The following HMGB1 variants were observed in gnomAD, a reference collection of about 807,000 sequenced individuals.
HMGB1 encodes the protein high mobility group protein B1.
For missense variants in HMGB1, 79 were observed against 253.5 expected (o/e 0.31, Z 4.67); for synonymous variants, 81 against 84.0 (o/e 0.96, Z 0.19).
At chr13:30,549,711 GTT>G (rs58245075) in intron 1 of HMGB1, among the ~76,000 whole-genome samples, 168 of 135,652 alleles carry the variant, frequency 1.2e-3, no homozygotes, top group Non-Finnish European at 2.0e-3. Context: ...CTAATTGTTT[GTT>G]TTTTTTTTTT....
chr13:30,525,845 A>C (rs1888351582), intron 1 of HMGB1, among the ~76,000 whole-genome samples: 1 of 99,508 alleles, frequency 1.0e-5, no homozygotes, highest in Non-Finnish European at 2.6e-5. Context: ...TTACAATTCA[A>C]GATGAGATTG....
chr13:30,464,085 C>T, intron 1 of HMGB1: 3 of 986,112 alleles, frequency 3.0e-6, no homozygotes, highest in Non-Finnish European at 3.6e-6. Context: ...CGTGGCTTTG[C>T]ACTAGATAGG....
In HMGB1 at chr13:30,559,982, T is replaced by G. The variant is rs1478863283; in HGVS notation, c.-15+56689A>C. On this transcript the variant is annotated intron_variant, in intron 1 of 4. Coordinates refer to the HMGB1 transcript ENST00000405805. This position sits in a 1 kb window ranked among gnomAD's most constrained non-coding sequence, Gnocchi z 6.6. ...TCAGATGTCACGTGTTTCTCACCATTGAGACCCCCAAGGCACCCCCTCCCA... is the reference window on the plus strand; with the variant it reads ...TCAGATGTCACGTGTTTCTCACCATGGAGACCCCCAAGGCACCCCCTCCCA... Among the ~76,000 whole-genome samples the G allele has an allele frequency of 1.3e-5, 2 of 152,188 alleles. No homozygotes were observed. The highest frequency in any genetic ancestry group is 2.9e-5 in the Non-Finnish European group (2 of 68,032).
intron 1 of HMGB1, among the ~76,000 whole-genome samples, chr13:30,557,584 T>C (rs1869743590): frequency 6.6e-6 from 1 of 152,228 alleles, no homozygotes; most frequent in Non-Finnish European, 1.5e-5. Context: ...ACCTTGTAGA[T>C]AAAAGGGCTT....
intron 1 of HMGB1, among the ~76,000 whole-genome samples, chr13:30,514,345 G>A (rs1346756728): frequency 7.4e-6 from 1 of 134,326 alleles, no homozygotes; most frequent in Non-Finnish European, 1.5e-5. Flanking sequence ...TCAGGGTCTA[G>A]TTCAATCTTT....
intron 1 of HMGB1, among the ~76,000 whole-genome samples, chr13:30,560,488 T>A (rs911886563): frequency 7.9e-5 from 12 of 152,148 alleles, no homozygotes; most frequent in Non-Finnish European, 1.6e-4. Flanking sequence ...AGCTCAAATC[T>A]GAAGGTTAGG....
chr13:30,549,562 TTG>T (rs574677248), intron 1 of HMGB1, among the ~76,000 whole-genome samples: 1 of 151,480 alleles, frequency 6.6e-6, no homozygotes, highest in Admixed American at 6.6e-5. Context: ...TTTGTACTTT[TTG>T]TGTGTGTGTG....
At chr13:30,564,709 T>C (rs9579603) in intron 1 of HMGB1, among the ~76,000 whole-genome samples, 4,119 of 152,324 alleles carry the variant, frequency 0.027, 207 homozygotes, top group African/African-American at 0.094. Context: ...AATATGTACT[T>C]TTATCTCTCC....
At chr13:30,501,309 T>C (rs1254656011) in intron 1 of HMGB1, among the ~76,000 whole-genome samples, 1 of 152,214 alleles carries the variant, frequency 6.6e-6, no homozygotes, top group Non-Finnish European at 1.5e-5. Context: ...CAAGAGTTAT[T>C]AACCTTAGGT....
intron 1 of HMGB1, among the ~76,000 whole-genome samples, chr13:30,569,496 G>A (rs950996311): frequency 1.3e-5 from 2 of 151,942 alleles, no homozygotes; most frequent in African/African-American, 4.8e-5. Flanking sequence ...CAGTGTACTA[G>A]GCACCTTAAA....
intron 1 of HMGB1, among the ~76,000 whole-genome samples, chr13:30,479,713 AATG>A (rs1250508118): frequency 3.9e-5 from 6 of 152,150 alleles, no homozygotes; most frequent in African/African-American, 9.7e-5. Flanking sequence ...GCTTCCATAA[AATG>A]ATGATATCAC....
Position 30,572,932 on chromosome 13 carries a change from G to A in HMGB1, c.-15+43739C>T, listed in dbSNP as rs142842561. On this transcript the variant is annotated intron_variant, in intron 1 of 4. Coordinates refer to the HMGB1 transcript ENST00000405805. ...ACTCTTGAGTAGTTTGTTAACTACA[G>A]ATGCCAAGGGCTGACAGTTTCACTT... Among the ~76,000 whole-genome samples the A allele has an allele frequency of 3.7e-3, 560 of 152,314 alleles. 3 individuals are homozygous for A. Among genetic ancestry groups the A allele is most frequent in the Admixed American group, 9.9e-3 (151 of 15,306 alleles).
intron 1 of HMGB1, among the ~76,000 whole-genome samples, chr13:30,510,067 C>T (rs560206709): frequency 6.6e-6 from 1 of 152,324 alleles, no homozygotes; most frequent in Non-Finnish European, 1.5e-5. Flanking sequence ...CCCAAATCCC[C>T]TGGAACCTGA....
chr13:30,550,894 A>G (rs1869395458), intron 1 of HMGB1, among the ~76,000 whole-genome samples: 1 of 152,220 alleles, frequency 6.6e-6, no homozygotes, highest in African/African-American at 2.4e-5. Context: ...TGGAAGACAA[A>G]ACTGATTCTA....
intron 1 of HMGB1, among the ~76,000 whole-genome samples, chr13:30,506,071 A>C (rs1887860052): frequency 6.6e-6 from 1 of 152,116 alleles, no homozygotes; most frequent in Admixed American, 6.6e-5. Flanking sequence ...CCACAGAAAG[A>C]CTAAACTGGC....
At chr13:30,496,131 T>C (rs1215307931) in intron 1 of HMGB1, among the ~76,000 whole-genome samples, 1 of 152,186 alleles carries the variant, frequency 6.6e-6, no homozygotes, top group Non-Finnish European at 1.5e-5. Flanking sequence ...TACATTTTTA[T>C]GACACTATTG....
chr13:30,582,332 T>C (rs2137543737), intron 1 of HMGB1, among the ~76,000 whole-genome samples: 1 of 152,198 alleles, frequency 6.6e-6, no homozygotes, highest in East Asian at 1.9e-4. Context: ...ATGATATCAT[T>C]TAGGTGGTTT....
At chr13:30,518,249 G>A (rs1289178399) in intron 1 of HMGB1, among the ~76,000 whole-genome samples, 3 of 152,178 alleles carry the variant, frequency 2.0e-5, no homozygotes, top group Admixed American at 6.5e-5. Flanking sequence ...AGGTAGGAAG[G>A]TTACTTGAGC....
Position 30,462,607 on chromosome 13 carries a change from A to G in HMGB1, c.402T>C (p.Asn134=), listed in dbSNP as rs1886426883. 6.2e-7 allele frequency: 1 copy of G among 1,609,714 alleles called. No individual in the cohort carries two copies. The highest frequency in any genetic ancestry group is 1.3e-5 in the African/African-American group (1 of 74,832). Reference sequence around the variant, plus strand: ...GCTGCTTGTCATCTGCAGCAGTGTTATTCCACATCTCTCCCAGTTTCTTCG... The same window carrying G: ...GCTGCTTGTCATCTGCAGCAGTGTTGTTCCACATCTCTCCCAGTTTCTTCG... The part of the protein sequence containing the change: ...DVAKKLGEMW[N]NTAADDKQPY... The change falls in exon 4 of 5, where the codon AAT becomes AAC. Residue 134 remains asparagine (N), a synonymous_variant. Coordinates refer to ENST00000341423, the MANE Select transcript of HMGB1 (RefSeq NM_002128.7).
Sources: gnomAD v4.1 joint callset for allele counts (sites outside exome capture counted in the v4.1 genomes callset) on GRCh38, gnomAD v4.1.1 for gene constraint, Gnocchi (gnomAD v3.1) non-coding constraint, MANE v1.5 for transcripts, NCBI Gene and HGNC (gene_info 2026-07-23, HGNC 2026-07-21) for gene names.